The following HEY1 variants were observed in gnomAD, a reference collection of about 807,000 sequenced individuals.
HEY1 encodes the protein hairy/enhancer-of-split related with YRPW motif protein 1.
HEY1 carries 9 observed loss-of-function variants against 28.7 expected under a neutral mutation model. That is an observed-to-expected ratio of 0.31 (90% CI 0.19 to 0.55). The LOEUF (loss-of-function observed/expected upper bound fraction) is 0.55, where lower values mean the gene tolerates loss of function less well. HEY1 is among the 20% of genes least tolerant of loss of function. The pLI, the probability that HEY1 is intolerant of heterozygous loss-of-function variation, is 0.93. For synonymous variants in HEY1, 213 were observed against 175.6 expected (o/e 1.21, Z -1.68); for missense variants, 385 against 399.4 (o/e 0.96, Z 0.31).
chr8:79,766,708 C>T lies in HEY1; in HGVS notation c.274G>A (p.Glu92Lys). ...KQGSAKLEKAEILQMTVDHLK... is the reference protein window; with the variant it reads ...KQGSAKLEKAKILQMTVDHLK... ...TGATCCACGGTCATCTGCAGGATCT[C>T]GGCTTTTTCTAGCTTAGCAGATCCC... The change falls in exon 4 of 5, where the codon GAG becomes AAG. Residue 92 changes from glutamate to lysine, a missense_variant. Coordinates refer to ENST00000354724, the MANE Select transcript of HEY1 (RefSeq NM_012258.4). The T allele has an allele frequency of 6.2e-7, 1 of 1,614,196 alleles. No individual in the cohort carries two copies. Among genetic ancestry groups the T allele is most frequent in the Non-Finnish European group, 8.5e-7 (1 of 1,180,040 alleles).
At position 79,767,232 on chromosome 8, in the gene HEY1, T is replaced by C. The variant is rs1399973758; in HGVS notation, c.152A>G (p.Lys51Arg). The C allele has an allele frequency of 1.9e-6, 3 of 1,613,618 alleles. No homozygotes were observed. The Admixed American group carries it at 5.0e-5, about 27-fold the overall frequency. ...AAAGAGACTCACTCCTCTCCGTCTT[T>C]TTCTGGCCAAAATCTGGGAAGATGT... The part of the protein sequence containing the change: ...PTTSSQILAR[K>R]RRRGIIEKRR... The change falls in exon 2 of 5, where the codon AAA (lysine) becomes AGA (arginine). Residue 51 changes from lysine to arginine, a missense_variant. By Grantham distance (26) the Lys-to-Arg change is conservative. Around this residue, in one of 3 missense-constraint regions of HEY1, gnomAD observed 83 missense variants for 122.7 expected, o/e 0.68. Coordinates refer to ENST00000354724, the MANE Select transcript of HEY1 (RefSeq NM_012258.4).
chr8:79,764,685 T>TC lies in HEY1; in HGVS notation c.*502dup. The TC allele has an allele frequency of 4.5e-6, 1 of 221,856 alleles. No individual in the cohort carries two copies. Among genetic ancestry groups the TC allele is most frequent in the East Asian group, 6.6e-5 (1 of 15,044 alleles). The allele number at this position is 221,856 out of a possible 1,614,324, so 13.7% of individuals were successfully genotyped here. ...AATATAAAATTCAATATAGTTCCCC[T>TC]CCCCCCAAAAGAATATTATTTATAC... On this transcript the variant is annotated 3_prime_UTR_variant, in exon 5 of 5. Coordinates refer to ENST00000354724, the MANE Select transcript of HEY1 (RefSeq NM_012258.4).
intron 4 of HEY1, 47 bp downstream of exon 4, chr8:79,766,604 A>G (rs1364354882): frequency 6.2e-7 from 1 of 1,610,584 alleles, no homozygotes; most frequent in East Asian, 2.2e-5. Context: ...GCCGCTGCTC[A>G]CTCTTTGCCA....
chr8:79,766,505 T>A lies in HEY1; in HGVS notation c.331+146A>T, dbSNP rs1442370197. ...AAGATTCTATGTGCATTCGAAAATG[T>A]ACTGACAGGGAACTGCACACACCAC... On this transcript the variant is annotated intron_variant, in intron 4 of 4. Coordinates refer to ENST00000354724, the MANE Select transcript of HEY1 (RefSeq NM_012258.4). 3 of 1,511,368 alleles carry A rather than the reference T, an allele frequency of 2.0e-6. No homozygotes were observed. In the African/African-American group the frequency reaches 4.2e-5, roughly 21 times the overall value. The allele number at this position is 1,511,368 out of a possible 1,614,324, so 93.6% of individuals were successfully genotyped here. A position where few individuals can be genotyped will look rare whatever the true frequency, so the allele number is the denominator to read the frequency against.
In HEY1 at chr8:79,766,676, T is replaced by C. The variant is rs775527285; in HGVS notation, c.306A>G (p.Lys102=). ...EILQMTVDHL[K]MLHTAGGKGY... ...CTTTCCCTCCTGCCGTATGCAGCAT[T>C]TTCAGGTGATCCACGGTCATCTGCA... The change falls in exon 4 of 5, where the codon AAA becomes AAG. Residue 102 remains lysine (K), a synonymous_variant. Coordinates refer to ENST00000354724, the MANE Select transcript of HEY1 (RefSeq NM_012258.4). 4 of 1,614,222 alleles carry C rather than the reference T, an allele frequency of 2.5e-6. No homozygotes were observed. Among genetic ancestry groups the C allele is most frequent in the Non-Finnish European group, 3.4e-6 (4 of 1,180,042 alleles).
intron 4 of HEY1, chr8:79,766,100 A>G: frequency 1.2e-6 from 1 of 865,122 alleles, no homozygotes; most frequent in Non-Finnish European, 1.7e-6. Context: ...ACCACAGAGC[A>G]GTGAAATTCA....
chr8:79,765,816 C>G, intron 4 of HEY1, 45 bp from the exon 5 acceptor site: 1 of 1,526,356 alleles, frequency 6.6e-7, no homozygotes, highest in Non-Finnish European at 8.9e-7. Flanking sequence ...TTGCCCGTTT[C>G]CCTCATTTCT....
rs1390826319 is a variant in HEY1 at position 79,767,287 on chromosome 8, T to A, written c.97A>T (p.Ser33Cys). The change falls in exon 2 of 5, where the codon AGT (serine) becomes TGT (cysteine). Residue 33 changes from serine to cysteine, a missense_variant. Ser to Cys is a moderately radical substitution (Grantham distance 112). Coordinates refer to ENST00000354724, the MANE Select transcript of HEY1 (RefSeq NM_012258.4). The part of the protein sequence containing the change: ...KESADENGNL[S>C]SALGSMSPTT... ...GGGGACATGGAACCTAGAGCCGAAC[T>A]CAAGTTTCTGAAAAGAGAAAAAGAA... 1.2e-6 allele frequency: 2 copies of A among 1,611,174 alleles called. No homozygotes were observed. Among genetic ancestry groups the A allele is most frequent in the Non-Finnish European group, 1.7e-6 (2 of 1,179,216 alleles).
intron 3 of HEY1, 99 bp downstream of exon 3, chr8:79,766,910 A>T: frequency 8.0e-7 from 1 of 1,254,096 alleles, no homozygotes; most frequent in South Asian, 1.2e-5. Context: ...TCTAGGCACA[A>T]GCAACACAGC....
intron 3 of HEY1, 137 bp from the exon 4 acceptor site, chr8:79,766,869 C>A: frequency 8.3e-7 from 1 of 1,203,980 alleles, no homozygotes; most frequent in Non-Finnish European, 1.2e-6. Flanking sequence ...GTTGTCTTCA[C>A]AAAATACGCT....
At position 79,765,635 on chromosome 8, in the gene HEY1, C is replaced by T; in HGVS notation, c.468G>A (p.Ser156=). The T allele has an allele frequency of 6.2e-7, 1 of 1,614,230 alleles. No individual in the cohort carries two copies. Among genetic ancestry groups the T allele is most frequent in the Non-Finnish European group, 8.5e-7 (1 of 1,180,042 alleles). ...ASDPLRVRLV[S]HLNNYASQRE... ...GCTGGGAAGCGTAGTTGTTGAGATG[C>T]GAAACCAGTCGAACTCGAAGCGGGT... Residue 156 remains serine, a synonymous_variant, in exon 5 of 5, where the codon TCG becomes TCA. Coordinates refer to ENST00000354724, the MANE Select transcript of HEY1 (RefSeq NM_012258.4).
In HEY1 at chr8:79,765,597, C is replaced by T. The variant is rs760887487; in HGVS notation, c.506G>A (p.Ser169Asn). The change falls in exon 5 of 5, where the codon AGC becomes AAC. Residue 169 changes from serine to asparagine, a missense_variant. By Grantham distance (46) the Ser-to-Asn change is conservative (BLOSUM62 1). Coordinates refer to ENST00000354724, the MANE Select transcript of HEY1 (RefSeq NM_012258.4). ...NNYASQREAASGAHAGLGHIP... is the reference protein window; with the variant it reads ...NNYASQREAANGAHAGLGHIP... The stretch of plus-strand genomic sequence containing the variant: ...GTGTCCGAGGCCCGCGTGGGCGCCG[C>T]TCGCGGCTTCCCGCTGGGAAGCGTA... 2.7e-5 allele frequency: 43 copies of T among 1,614,040 alleles called. No individual in the cohort carries two copies. The highest frequency in any genetic ancestry group is 3.4e-5 in the Non-Finnish European group (40 of 1,180,048).
chr8:79,767,565 G>T lies in HEY1; in HGVS notation c.89+10C>A. On this transcript the variant is annotated intron_variant, in intron 1 of 4. Transcript: ENST00000354724. ...TCTGGCTCGGCTCCGCTCCGCCGCC[G>T]CCAGCTCACCCATTCTCGTCCGCAC... 6.3e-7 allele frequency: 1 copy of T among 1,596,318 alleles called. No individual in the cohort carries two copies. Among genetic ancestry groups the T allele is most frequent in the East Asian group, 2.3e-5 (1 of 43,402 alleles).
chr8:79,766,114 G>C (rs866192313), intron 4 of HEY1: 14 of 983,500 alleles, frequency 1.4e-5, no homozygotes, highest in African/African-American at 8.2e-5. Flanking sequence ...AAATTCATTA[G>C]ACACACAGAT....
chr8:79,765,414 C>A lies in HEY1; in HGVS notation c.689G>T (p.Arg230Leu). The change falls in exon 5 of 5, where the codon CGA becomes CTA. Residue 230 changes from arginine (R) to leucine (L), a missense_variant. By Grantham distance (102) the Arg-to-Leu change is moderately radical (BLOSUM62 -2). Coordinates refer to ENST00000354724, the MANE Select transcript of HEY1 (RefSeq NM_012258.4). ...GSAHPEAPALRAPPSGSLGPV... is the reference protein window; with the variant it reads ...GSAHPEAPALLAPPSGSLGPV... ...TCCGAGGCTGCCGCTAGGGGGCGCT[C>A]GCAAAGCAGGCGCCTCCGGATGTGC... The A allele has an allele frequency of 1.9e-6, 3 of 1,610,224 alleles. No individual in the cohort carries two copies. Among genetic ancestry groups the A allele is most frequent in the Non-Finnish European group, 2.5e-6 (3 of 1,178,386 alleles).
rs1284565114 is a variant in HEY1 at position 79,764,615 on chromosome 8, TC to T, written c.*572del. On this transcript the variant is annotated 3_prime_UTR_variant, in exon 5 of 5. Coordinates refer to ENST00000354724, the MANE Select transcript of HEY1 (RefSeq NM_012258.4). ...AGGCAGACAATTTACTAGTCTTCTT[TC>T]TTGGATAAAGCTGATCATCTGATTT... 4.4e-6 allele frequency: 1 copy of T among 224,758 alleles called. No individual in the cohort carries two copies. Among genetic ancestry groups the T allele is most frequent in the Non-Finnish European group, 8.9e-6 (1 of 112,818 alleles). 13.9% of individuals were successfully genotyped at this position (224,758 alleles called of 1,614,324 possible).
In HEY1 at chr8:79,765,177, A is replaced by G. The variant is rs925611598; in HGVS notation, c.*11T>C. 14 of 1,529,450 alleles carry G rather than the reference A, an allele frequency of 9.2e-6. No individual in the cohort carries two copies. The East Asian group carries it at 3.2e-4, about 35-fold the overall frequency. 94.7% of individuals were successfully genotyped at this position (1,529,450 alleles called of 1,614,324 possible). A position where few individuals can be genotyped will look rare whatever the true frequency, so the allele number is the denominator to read the frequency against. Reference sequence around the variant, plus strand: ...TTTAAACTTTCCCCTCCCTCATTCTACATCAGTTCTTTAAAAAGCTCCGAT... The same window carrying G: ...TTTAAACTTTCCCCTCCCTCATTCTGCATCAGTTCTTTAAAAAGCTCCGAT... On this transcript the variant is annotated 3_prime_UTR_variant, in exon 5 of 5. Transcript: ENST00000354724.
chr8:79,765,209 C>A lies in HEY1; in HGVS notation c.894G>T (p.Gly298=). 1.3e-6 allele frequency: 2 copies of A among 1,546,588 alleles called. No individual in the cohort carries two copies. The highest frequency in any genetic ancestry group is 1.7e-6 in the Non-Finnish European group (2 of 1,144,824). ...ANLGKPYRPW[G]TEIGAF is the part of the protein sequence containing the mutation. Reference sequence around the variant, plus strand: ...TTCTTTAAAAAGCTCCGATCTCCGTCCCCCAAGGTCTATAGGGCTTGCCAA... The same window carrying A: ...TTCTTTAAAAAGCTCCGATCTCCGTACCCCAAGGTCTATAGGGCTTGCCAA... The change falls in exon 5 of 5, where the codon GGG becomes GGT. Residue 298 remains glycine (G), a synonymous_variant. Coordinates refer to ENST00000354724, the MANE Select transcript of HEY1 (RefSeq NM_012258.4).
intron 1 of HEY1, 51 bp downstream of exon 1, chr8:79,767,524 T>A (rs1295809477): frequency 9.8e-6 from 15 of 1,529,624 alleles, no homozygotes; most frequent in Middle Eastern, 3.5e-4. Flanking sequence ...GCGGCAGGCC[T>A]GCGCTCGCCT....
Sources: allele counts gnomAD v4.1 joint callset, GRCh38; gene constraint gnomAD v4.1.1; regional missense constraint gnomAD v4.1.1; transcripts MANE v1.5; gene names NCBI Gene and HGNC (gene_info 2026-07-23, HGNC 2026-07-21).